The following PDZD2 variants were observed in gnomAD, a reference collection of about 807,000 sequenced individuals.
PDZD2 encodes PDZ domain containing 2.
PDZD2 carries 90 observed loss-of-function variants against 220.7 expected under a neutral mutation model. The observed-to-expected ratio is 0.41, with a 90% CI of 0.34 to 0.49. PDZD2 has a LOEUF of 0.49. PDZD2 is among the 20% of genes least tolerant of loss of function. The probability of loss-of-function intolerance (pLI) is 0.28; values close to 1 mark genes in which losing one functional copy is unlikely to be tolerated. For synonymous variants in PDZD2, 1,375 were observed against 1,450.5 expected (o/e 0.95, Z 1.18); for missense variants, 3,174 against 3,608.5 (o/e 0.88, Z 3.08).
Position 32,002,768 on chromosome 5 carries a change from C to CACACCACAT in PDZD2, c.1254+2501_1254+2502insCACATACAC, listed in dbSNP as rs1479183634. On this transcript the variant is annotated intron_variant, in intron 5 of 24. Transcript: ENST00000438447. Reference sequence around the variant, plus strand: ...ACCAACACACACACCCCACACACCACACACACCAACACACAACCACACACA... The same window carrying CACACCACAT: ...ACCAACACACACACCCCACACACCACACACCACATACACACCAACACACAACCACACACA... Among the ~76,000 whole-genome samples, 2 of 126,004 alleles carry CACACCACAT rather than the reference C, an allele frequency of 1.6e-5. 1 individual carries two copies. Among genetic ancestry groups the CACACCACAT allele is most frequent in the Non-Finnish European group, 3.4e-5 (2 of 59,208 alleles). The allele number at this position is 126,004 out of a possible 152,430, so 82.7% of individuals were successfully genotyped here. A position where few individuals can be genotyped will look rare whatever the true frequency, so the allele number is the denominator to read the frequency against.
At chr5:31,823,950 T>C (rs189228855) in intron 2 of PDZD2, among the ~76,000 whole-genome samples, 1 of 152,162 alleles carries the variant, frequency 6.6e-6, no homozygotes, top group Non-Finnish European at 1.5e-5. Context: ...GGTAGGAAAA[T>C]AGCTAGGAAG....
intron 1 of PDZD2, among the ~76,000 whole-genome samples, chr5:31,685,718 T>C (rs1299416705): frequency 6.6e-6 from 1 of 151,952 alleles, no homozygotes; most frequent in African/African-American, 2.4e-5. Context: ...AAAACGAGGT[T>C]TCACCATGTT....
intron 5 of PDZD2, among the ~76,000 whole-genome samples, chr5:32,001,583 C>T (rs1752109534): frequency 6.6e-6 from 1 of 152,222 alleles, no homozygotes; most frequent in Non-Finnish European, 1.5e-5. Context: ...CTCCACAGGT[C>T]CTGACGCCCC....
chr5:32,072,691 A>G (rs1438466637), intron 17 of PDZD2, among the ~76,000 whole-genome samples: 3 of 152,232 alleles, frequency 2.0e-5, no homozygotes, highest in African/African-American at 4.8e-5. Context: ...AGATCGCACC[A>G]TTAGACAATG....
chr5:31,655,529 G>A (rs1271049574), intron 1 of PDZD2, among the ~76,000 whole-genome samples: 4 of 146,990 alleles, frequency 2.7e-5, no homozygotes, highest in African/African-American at 5.0e-5. Context: ...CCTGCTTCTC[G>A]CCATTACCAT....
At chr5:32,037,414 C>A in intron 7 of PDZD2, 72 bp downstream of exon 7, 2 of 861,972 alleles carry the variant, frequency 2.3e-6, no homozygotes, top group Non-Finnish European at 3.9e-6. Flanking sequence ...GAGATGAAGC[C>A]ATTGCCGGGA....
At chr5:31,876,191 G>A (rs1399205119) in intron 2 of PDZD2, among the ~76,000 whole-genome samples, 3 of 151,496 alleles carry the variant, frequency 2.0e-5, no homozygotes, top group African/African-American at 7.3e-5. Flanking sequence ...GTACTTTCTA[G>A]TTTTGGTTAC....
At position 32,108,143 on chromosome 5, in the gene PDZD2, C is replaced by G. The variant is rs776899029; in HGVS notation, c.*8C>G. On this transcript the variant is annotated 3_prime_UTR_variant, in exon 25 of 25. Transcript: ENST00000438447. Reference sequence around the variant, plus strand: ...CATAGGAATTCTTCATGAATTTTAACAAGAATCATTTTCTCAGTTCTCTTC... The same window carrying G: ...CATAGGAATTCTTCATGAATTTTAAGAAGAATCATTTTCTCAGTTCTCTTC... The G allele has an allele frequency of 7.6e-6, 12 of 1,569,832 alleles. No individual in the cohort carries two copies. Among genetic ancestry groups the G allele is most frequent in the Non-Finnish European group, 3.5e-6 (4 of 1,150,276 alleles).
At chr5:32,005,843 G>A (rs1436812499) in intron 5 of PDZD2, among the ~76,000 whole-genome samples, 1 of 152,054 alleles carries the variant, frequency 6.6e-6, no homozygotes, top group African/African-American at 2.4e-5. Context: ...ATGATGTTAG[G>A]AGAATTAAAT....
intron 2 of PDZD2, among the ~76,000 whole-genome samples, chr5:31,885,884 G>A (rs1448111329): frequency 1.3e-5 from 2 of 151,486 alleles, no homozygotes; most frequent in Admixed American, 1.3e-4. Flanking sequence ...GTTTGTTTTT[G>A]GTTTTTTTGT....
At chr5:32,003,682 C>T (rs1006709270) in intron 5 of PDZD2, among the ~76,000 whole-genome samples, 2 of 152,064 alleles carry the variant, frequency 1.3e-5, no homozygotes, top group Admixed American at 6.6e-5. Flanking sequence ...ACTTCCTTCT[C>T]TTGTTAGTTT....
In PDZD2 at chr5:32,088,666, G is replaced by A. The variant is rs779003315; in HGVS notation, c.5218G>A (p.Asp1740Asn). Residue 1740 changes from aspartate to asparagine, a missense_variant, in exon 20 of 25, where the codon GAT becomes AAT. Around this residue, in one of 4 missense-constraint regions of PDZD2, gnomAD observed 1,861 missense variants for 2,001.0 expected, o/e 0.93. Coordinates refer to ENST00000438447, the MANE Select transcript of PDZD2 (RefSeq NM_178140.4). This position sits in a 1 kb window ranked among gnomAD's most constrained non-coding sequence, Gnocchi z 4.6. ...AAATGGCTTGGAACATGACCTGCTA[G>A]ATGACGAAACCCTGAATCAATACGA... ...MVNGLEHDLLDDETLNQYETS... is the reference protein window; with the variant it reads ...MVNGLEHDLLNDETLNQYETS... 1 of 1,614,070 alleles carries A rather than the reference G, an allele frequency of 6.2e-7. No homozygotes were observed. Among genetic ancestry groups the A allele is most frequent in the Non-Finnish European group, 8.5e-7 (1 of 1,179,916 alleles).
intron 10 of PDZD2, among the ~76,000 whole-genome samples, chr5:32,057,030 G>A (rs768843038): frequency 2.6e-5 from 4 of 152,154 alleles, no homozygotes; most frequent in African/African-American, 9.7e-5. Context: ...GGAGGCAGAG[G>A]TTGTAGTGAG....
intron 2 of PDZD2, among the ~76,000 whole-genome samples, chr5:31,928,303 A>G (rs907094752): frequency 1.8e-4 from 27 of 152,322 alleles, no homozygotes; most frequent in African/African-American, 6.5e-4. Flanking sequence ...TGCTGACCTC[A>G]GGTGATCCAC....
At position 31,759,572 on chromosome 5, in the gene PDZD2, G is replaced by A. The variant is rs190767344; in HGVS notation, c.-360-39317G>A. Among the ~76,000 whole-genome samples, 854 of 141,204 alleles carry A rather than the reference G, an allele frequency of 6.0e-3. 10 individuals carry two copies. Among genetic ancestry groups the A allele is most frequent in the African/African-American group, 0.022 (809 of 37,368 alleles). The allele number at this position is 141,204 out of a possible 152,430, so 92.6% of individuals were successfully genotyped here. A position where few individuals can be genotyped will look rare whatever the true frequency, so the allele number is the denominator to read the frequency against. Reference sequence around the variant, plus strand: ...TTTTTTTTTTTTTGAGACTCACTCCGTTGCCCAGGCTGGAGTGCAGTGGTG... The same window carrying A: ...TTTTTTTTTTTTTGAGACTCACTCCATTGCCCAGGCTGGAGTGCAGTGGTG... On this transcript the variant is annotated intron_variant, in intron 1 of 24. Transcript: ENST00000438447.
intron 5 of PDZD2, among the ~76,000 whole-genome samples, chr5:32,006,907 CTTT>C (rs1173189592): frequency 3.3e-4 from 16 of 47,842 alleles, no homozygotes; most frequent in African/African-American, 1.5e-3. Flanking sequence ...CCATGCTGGT[CTTT>C]TTTTTTTTTT....
At chr5:31,906,121 A>T (rs566670025) in intron 2 of PDZD2, among the ~76,000 whole-genome samples, 2 of 21,980 alleles carry the variant, frequency 9.1e-5, no homozygotes, top group Non-Finnish European at 4.0e-4. Flanking sequence ...TCCCGGGTTC[A>T]TGTCATTCTC....
intron 2 of PDZD2, among the ~76,000 whole-genome samples, chr5:31,882,175 A>C (rs1739991646): frequency 6.6e-6 from 1 of 152,210 alleles, no homozygotes; most frequent in African/African-American, 2.4e-5. Context: ...ACATGCATAC[A>C]TCGACACTAA....
At chr5:31,737,367 T>G (rs903416821) in intron 1 of PDZD2, among the ~76,000 whole-genome samples, 8 of 150,684 alleles carry the variant, frequency 5.3e-5, no homozygotes, top group African/African-American at 1.2e-4. Flanking sequence ...AGAGATGGGG[T>G]TTCACCGTGT....
Sources: allele counts gnomAD v4.1 joint callset (sites outside exome capture counted in the v4.1 genomes callset), GRCh38; gene constraint gnomAD v4.1.1; regional missense constraint gnomAD v4.1.1; non-coding constraint Gnocchi (gnomAD v3.1); transcripts MANE v1.5; gene names NCBI Gene and HGNC (gene_info 2026-07-23, HGNC 2026-07-21).